PDCD6IP: variants seen among roughly 807,000 people sequenced by gnomAD.
PDCD6IP encodes the protein programmed cell death 6 interacting protein.
In PDCD6IP, 43 loss-of-function variants were observed where a neutral mutation model predicts 103.7. That is an observed-to-expected ratio of 0.41 (90% CI 0.32 to 0.53). PDCD6IP has a LOEUF of 0.53. Ranked by LOEUF, PDCD6IP falls within the 20% of genes least tolerant of loss-of-function variation. The pLI, the probability that PDCD6IP is intolerant of heterozygous loss-of-function variation, is 0.16. For missense variants in PDCD6IP, 871 were observed against 1,036.7 expected (o/e 0.84, Z 2.20); for synonymous variants, 354 against 378.7 (o/e 0.93, Z 0.76).
At chr3:33,850,363 G>A (rs745585153) in intron 12 of PDCD6IP, among the ~76,000 whole-genome samples, 15 of 151,790 alleles carry the variant, frequency 9.9e-5, no homozygotes, top group Non-Finnish European at 1.5e-4. Flanking sequence ...ACTTAATCTC[G>A]TTTTTTGAGT....
intron 15 of PDCD6IP, among the ~76,000 whole-genome samples, chr3:33,856,724 G>C (rs992792127): frequency 9.2e-5 from 14 of 152,104 alleles, no homozygotes; most frequent in African/African-American, 3.4e-4. Context: ...AGGCAGTCAG[G>C]CAAAACAGTC....
rs1342998955 is a variant in PDCD6IP, at chr3:33,866,993, ATTAC to A, written c.*472_*475del. On this transcript the variant is annotated 3_prime_UTR_variant, in exon 18 of 18. Transcript: ENST00000307296. The stretch of plus-strand genomic sequence containing the variant: ...TGTAAATCTTATAATTTTAAAATAA[ATTAC>A]TTAAGAACAGTTGTCATTGTTATGT... The A allele has an allele frequency of 4.6e-5, 7 of 152,326 alleles. No homozygotes were observed. Among genetic ancestry groups the A allele is most frequent in the African/African-American group, 1.4e-4 (6 of 41,472 alleles). The allele number at this position is 152,326 out of a possible 1,614,324, so 9.4% of individuals were successfully genotyped here.
At chr3:33,843,581 A>G (rs532446145) in intron 10 of PDCD6IP, among the ~76,000 whole-genome samples, 1 of 152,208 alleles carries the variant, frequency 6.6e-6, no homozygotes, top group African/African-American at 2.4e-5. Context: ...GTCCTAAGCT[A>G]TCAGGGATTG....
At chr3:33,848,679 A>G (rs1697649528) in intron 12 of PDCD6IP, among the ~76,000 whole-genome samples, 1 of 152,198 alleles carries the variant, frequency 6.6e-6, no homozygotes, top group Admixed American at 6.5e-5. Flanking sequence ...CTGGGATTAC[A>G]GGCGTGAGCT....
chr3:33,811,040 C>A (rs1696705915), intron 1 of PDCD6IP: 1 of 411,334 alleles, frequency 2.4e-6, no homozygotes, highest in South Asian at 1.8e-5. Flanking sequence ...TGTGCGCCAC[C>A]ATGCCTGGCT....
intron 3 of PDCD6IP, 122 bp downstream of exon 3, chr3:33,813,750 T>A: frequency 4.7e-6 from 3 of 644,556 alleles, no homozygotes; most frequent in Non-Finnish European, 2.8e-6. Context: ...CATTTCATTC[T>A]CTTTTTAGCT....
At position 33,826,796 on chromosome 3, in the gene PDCD6IP, A is replaced by G. The variant is rs74965802; in HGVS notation, c.717+216A>G. On this transcript the variant is annotated intron_variant, in intron 6 of 17. Transcript: ENST00000307296. ...GATGCCTTTGTCTTTACCTTTTACTAAACTTGTTTTTCCAAGCTAGAACTC... is the reference window on the plus strand; with the variant it reads ...GATGCCTTTGTCTTTACCTTTTACTGAACTTGTTTTTCCAAGCTAGAACTC... 9.2e-6 allele frequency: 12 copies of G among 1,307,744 alleles called. No homozygotes were observed. The East Asian group carries it at 3.6e-4, about 39-fold the overall frequency. 81.0% of individuals were successfully genotyped at this position (1,307,744 alleles called of 1,614,324 possible). A position where few individuals can be genotyped will look rare whatever the true frequency, so the allele number is the denominator to read the frequency against.
intron 12 of PDCD6IP, among the ~76,000 whole-genome samples, chr3:33,851,153 T>TA (rs1697704368): frequency 6.6e-6 from 1 of 151,984 alleles, no homozygotes; most frequent in Non-Finnish European, 1.5e-5. Flanking sequence ...AGGCAGTTGG[T>TA]AGGGGAATCC....
intron 3 of PDCD6IP, among the ~76,000 whole-genome samples, chr3:33,818,441 A>G (rs914681100): frequency 1.3e-5 from 2 of 149,314 alleles, no homozygotes; most frequent in Non-Finnish European, 3.0e-5. Context: ...CTCTCCTGCC[A>G]CACTGGCCTA....
chr3:33,843,877 CTT>C (rs553570346), intron 10 of PDCD6IP, among the ~76,000 whole-genome samples: 20 of 140,758 alleles, frequency 1.4e-4, no homozygotes, highest in Non-Finnish European at 1.7e-4. Context: ...TTTATTCCTC[CTT>C]TTTTTTTTTT....
In PDCD6IP at chr3:33,798,653, C is replaced by G. The variant is rs954484684; in HGVS notation, c.-76C>G. The G allele has an allele frequency of 4.5e-6, 6 of 1,344,900 alleles. No individual in the cohort carries two copies. The highest frequency in any genetic ancestry group is 6.0e-6 in the Non-Finnish European group (6 of 994,910). 83.3% of individuals were successfully genotyped at this position (1,344,900 alleles called of 1,614,324 possible). A position where few individuals can be genotyped will look rare whatever the true frequency, so the allele number is the denominator to read the frequency against. ...CCAGTCAGTCCGCCAGTCCGCCAGCCCAGTACCTCTCTCTCCTCGGCCCTC... is the reference window on the plus strand; with the variant it reads ...CCAGTCAGTCCGCCAGTCCGCCAGCGCAGTACCTCTCTCTCCTCGGCCCTC... On this transcript the variant is annotated 5_prime_UTR_variant, in exon 1 of 18. Coordinates refer to ENST00000307296, the MANE Select transcript of PDCD6IP (RefSeq NM_013374.6).
rs115698537 is a variant in PDCD6IP at position 33,836,570 on chromosome 3, A to G, written c.1057+304A>G. Among the ~76,000 whole-genome samples the G allele has an allele frequency of 1.4e-3, 214 of 152,224 alleles. 1 individual carries two copies. The highest frequency in any genetic ancestry group is 6.0e-3 in the South Asian group (29 of 4,826). On this transcript the variant is annotated intron_variant, in intron 8 of 17. Transcript: ENST00000307296. Reference sequence around the variant, plus strand: ...AGATGCTGCCATTAAAAATAAACAAATATGGCTGGATGTGGTGGCTCACAC... The same window carrying G: ...AGATGCTGCCATTAAAAATAAACAAGTATGGCTGGATGTGGTGGCTCACAC...
intron 15 of PDCD6IP, among the ~76,000 whole-genome samples, chr3:33,856,982 C>T (rs1237323469): frequency 6.6e-6 from 1 of 151,986 alleles, no homozygotes; most frequent in Admixed American, 6.5e-5. Flanking sequence ...CCAACTAGAT[C>T]TTTATTCATC....
intron 15 of PDCD6IP, among the ~76,000 whole-genome samples, chr3:33,856,866 C>G (rs1697841113): frequency 6.6e-6 from 1 of 151,996 alleles, no homozygotes; most frequent in African/African-American, 2.4e-5. Flanking sequence ...TAAATACATG[C>G]TAAAGATTTT....
chr3:33,856,023 C>G (rs914484704), intron 15 of PDCD6IP, among the ~76,000 whole-genome samples: 2 of 152,150 alleles, frequency 1.3e-5, no homozygotes, highest in Non-Finnish European at 2.9e-5. Flanking sequence ...CTGCCTGAGC[C>G]CCACCTCCTG....
chr3:33,818,046 A>G (rs72619957), intron 3 of PDCD6IP, among the ~76,000 whole-genome samples: 43,345 of 149,974 alleles, frequency 0.29, 6,523 homozygotes, highest in East Asian at 0.41. Flanking sequence ...ATATGTATCC[A>G]ATATATAAAC....
rs1269233548 is a variant in PDCD6IP at position 33,822,102 on chromosome 3, C to A, written c.462+20C>A. 3.7e-6 allele frequency: 6 copies of A among 1,611,348 alleles called. No individual in the cohort carries two copies. The highest frequency in any genetic ancestry group is 4.2e-6 in the Non-Finnish European group (5 of 1,178,062). On this transcript the variant is annotated intron_variant, in intron 4 of 17. Coordinates refer to ENST00000307296, the MANE Select transcript of PDCD6IP (RefSeq NM_013374.6). ...TACCAGGTATGCTGAAAAGTAGTTA[C>A]TACAATAATGGTCAACACTAAATTG...
At chr3:33,818,436 C>T (rs556519224) in intron 3 of PDCD6IP, among the ~76,000 whole-genome samples, 1 of 150,556 alleles carries the variant, frequency 6.6e-6, no homozygotes, top group African/African-American at 2.4e-5. Flanking sequence ...TTGCTCTCTC[C>T]TGCCACACTG....
intron 11 of PDCD6IP, among the ~76,000 whole-genome samples, chr3:33,845,039 T>C (rs1367454546): frequency 1.9e-5 from 2 of 107,902 alleles, no homozygotes. Context: ...TCTAAAAATC[T>C]TTTTTTTTTT....
Sources: gnomAD v4.1 joint callset for allele counts (sites outside exome capture counted in the v4.1 genomes callset) on GRCh38, gnomAD v4.1.1 for gene constraint, MANE v1.5 for transcripts, NCBI Gene and HGNC (gene_info 2026-07-23, HGNC 2026-07-21) for gene names.